FAT3: variants seen among roughly 807,000 people sequenced by gnomAD.
FAT3 encodes protocadherin Fat 3.
Under a neutral mutation model 310.2 loss-of-function variants are expected in FAT3, and 95 were observed. The ratio of observed to expected loss-of-function variants is 0.31; its 90% confidence interval spans 0.26 to 0.36. The LOEUF (loss-of-function observed/expected upper bound fraction) is 0.36. FAT3 is among the 10% of genes least tolerant of loss of function. FAT3 has a pLI of 1.00. For missense variants in FAT3, 5,408 were observed against 5,715.6 expected (o/e 0.95, Z 1.74); for synonymous variants, 2,314 against 2,192.9 (o/e 1.06, Z -1.54).
chr11:92,265,988 A>G (rs1040808662), intron 1 of FAT3, among the ~76,000 whole-genome samples: 1 of 152,078 alleles, frequency 6.6e-6, no homozygotes, highest in Non-Finnish European at 1.5e-5. Flanking sequence ...TGGCCTTTTC[A>G]AGTCCATCAT....
chr11:92,430,182 G>C (rs912246115), intron 2 of FAT3, among the ~76,000 whole-genome samples: 4 of 151,980 alleles, frequency 2.6e-5, no homozygotes, highest in African/African-American at 7.3e-5. Flanking sequence ...ATTGATACTT[G>C]TGTGTGCTTC....
At chr11:92,567,015 A>G (rs962618156) in intron 3 of FAT3, among the ~76,000 whole-genome samples, 4 of 152,314 alleles carry the variant, frequency 2.6e-5, no homozygotes, top group Admixed American at 6.5e-5. Context: ...AGCAATGGCA[A>G]CAAAAGCCAA....
chr11:92,439,521 A>G (rs1027839539), intron 2 of FAT3, among the ~76,000 whole-genome samples: 2 of 152,156 alleles, frequency 1.3e-5, no homozygotes, highest in Admixed American at 1.3e-4. Context: ...GGTGAATGCA[A>G]GAATGGATAT....
chr11:92,321,615 A>G (rs934653481), intron 1 of FAT3, among the ~76,000 whole-genome samples: 2 of 152,274 alleles, frequency 1.3e-5, no homozygotes, highest in Middle Eastern at 3.4e-3. Context: ...AAAAACCTTC[A>G]AAGAGGTTTG....
intron 1 of FAT3, among the ~76,000 whole-genome samples, chr11:92,315,624 A>G (rs993112213): frequency 6.7e-6 from 1 of 150,230 alleles, no homozygotes; most frequent in African/African-American, 2.4e-5. Flanking sequence ...TTTAGGCTCA[A>G]GTGATCCTCC....
At chr11:92,470,582 C>A (rs992478534) in intron 2 of FAT3, among the ~76,000 whole-genome samples, 7 of 152,140 alleles carry the variant, frequency 4.6e-5, no homozygotes, top group African/African-American at 1.4e-4. Context: ...TGGGAAACAC[C>A]AAGCCCTGCT....
chr11:92,539,215 T>A (rs1954362360), intron 3 of FAT3, among the ~76,000 whole-genome samples: 4 of 152,196 alleles, frequency 2.6e-5, no homozygotes, highest in African/African-American at 9.6e-5. Flanking sequence ...GGATATTTAT[T>A]AAAATGTTTT....
chr11:92,673,348 A>G (rs1943190728), intron 3 of FAT3, among the ~76,000 whole-genome samples: 1 of 152,234 alleles, frequency 6.6e-6, no homozygotes, highest in African/African-American at 2.4e-5. Context: ...CATCCACTAT[A>G]TGTATTCATC....
intron 13 of FAT3, among the ~76,000 whole-genome samples, chr11:92,818,831 C>A (rs1947888198): frequency 6.6e-6 from 1 of 152,186 alleles, no homozygotes; most frequent in South Asian, 2.1e-4. Flanking sequence ...TGGAGTTAGA[C>A]CTCCCTGTTC....
At chr11:92,711,309 T>C (rs1374781252) in intron 4 of FAT3, among the ~76,000 whole-genome samples, 1 of 152,202 alleles carries the variant, frequency 6.6e-6, no homozygotes, top group Non-Finnish European at 1.5e-5. Context: ...ATATGTTACT[T>C]TTTTCCATTG....
chr11:92,733,324 A>G (rs911321714), intron 4 of FAT3, among the ~76,000 whole-genome samples: 5 of 152,090 alleles, frequency 3.3e-5, no homozygotes, highest in African/African-American at 9.7e-5. Flanking sequence ...GAAGCCTTGT[A>G]CATGAAAGTT....
intron 2 of FAT3, among the ~76,000 whole-genome samples, chr11:92,360,178 T>C (rs1005029910): frequency 6.6e-6 from 1 of 152,160 alleles, no homozygotes; most frequent in African/African-American, 2.4e-5. Context: ...ACAAAATCAA[T>C]GTACAAAAAT....
intron 1 of FAT3, among the ~76,000 whole-genome samples, chr11:92,325,888 C>T (rs1176091656): frequency 2.0e-5 from 3 of 152,194 alleles, no homozygotes; most frequent in African/African-American, 7.2e-5. Context: ...CCTGGGCCTC[C>T]CAAAGTGCTG....
intron 1 of FAT3, among the ~76,000 whole-genome samples, chr11:92,335,497 T>C (rs969645780): frequency 9.2e-5 from 14 of 152,182 alleles, no homozygotes; most frequent in African/African-American, 3.4e-4. Flanking sequence ...TCCAAAAATA[T>C]TGTGGCTGTG....
intron 22 of FAT3, among the ~76,000 whole-genome samples, chr11:92,873,870 A>G (rs1478837576): frequency 6.6e-6 from 1 of 152,198 alleles, no homozygotes; most frequent in African/African-American, 2.4e-5. Flanking sequence ...CACTAGTAGG[A>G]CCATTTCCTT....
intron 2 of FAT3, among the ~76,000 whole-genome samples, chr11:92,511,570 G>A (rs1438570198): frequency 6.6e-6 from 1 of 152,114 alleles, no homozygotes; most frequent in East Asian, 1.9e-4. Context: ...TTTCTTACTA[G>A]TGGGGAGCTC....
chr11:92,798,505 G>C lies in FAT3; in HGVS notation c.5492G>C (p.Gly1831Ala), dbSNP rs756686506. 74 of 1,613,620 alleles carry C rather than the reference G, an allele frequency of 4.6e-5. No homozygotes were observed. In the Admixed American group the frequency reaches 6.8e-4, roughly 15 times the overall value. ...KKFFTVDSST[G>A]AIRTIANLDH... Reference sequence around the variant, plus strand: ...TTTTTCACGGTGGACTCCAGTACAGGTGCAATCAGAACAATTGCCAACCTG... The same window carrying C: ...TTTTTCACGGTGGACTCCAGTACAGCTGCAATCAGAACAATTGCCAACCTG... The change falls in exon 10 of 28, where the codon GGT becomes GCT. Residue 1831 changes from glycine (G) to alanine (A), a missense_variant. Physicochemically the swap from Gly to Ala is moderately conservative, Grantham distance 60 (BLOSUM62 0). This residue lies in a region of FAT3 where 4,588 missense variants were observed against 4,809.8 expected (regional missense o/e 0.95). Coordinates refer to ENST00000525166, the MANE Select transcript of FAT3 (RefSeq NM_001367949.2).
At chr11:92,392,649 C>T (rs556261206) in intron 2 of FAT3, among the ~76,000 whole-genome samples, 76 of 152,318 alleles carry the variant, frequency 5.0e-4, no homozygotes, top group African/African-American at 1.8e-3. Flanking sequence ...CTGGCTAACT[C>T]CTTTACTACA....
At chr11:92,364,339 C>T (rs1948958981) in intron 2 of FAT3, among the ~76,000 whole-genome samples, 1 of 152,076 alleles carries the variant, frequency 6.6e-6, no homozygotes, top group Non-Finnish European at 1.5e-5. Context: ...GCCTAGTAAG[C>T]ATAGATTACC....
Sources: gnomAD v4.1 joint callset for allele counts (sites outside exome capture counted in the v4.1 genomes callset) on GRCh38, gnomAD v4.1.1 for gene constraint, gnomAD v4.1.1 regional missense constraint, MANE v1.5 for transcripts, NCBI Gene and HGNC (gene_info 2026-07-23, HGNC 2026-07-21) for gene names.